NLRP5: variants seen among roughly 807,000 people sequenced by gnomAD.
NLRP5 encodes NACHT, LRR and PYD domains-containing protein 5.
NLRP5 carries 93 observed loss-of-function variants against 113.1 expected under a neutral mutation model. That is an observed-to-expected ratio of 0.82 (90% CI 0.70 to 0.98). NLRP5 has a LOEUF of 0.98. NLRP5 is among the 50% of genes least tolerant of loss of function. The pLI is 0.00. For synonymous variants in NLRP5, 751 were observed against 600.7 expected, an observed-to-expected ratio of 1.25 and a Z score of -3.66; for missense variants, 1,808 against 1,514.3, an observed-to-expected ratio of 1.19 and a Z score of -3.22.
intron 14 of NLRP5, among the ~76,000 whole-genome samples, chr19:56,060,718 G>GT (rs76500463): frequency 0.13 from 20,502 of 151,872 alleles, 1,558 homozygotes; most frequent in East Asian, 0.31. Context: ...ACATATCCAA[G>GT]TTTTTTTACA....
At position 56,026,858 on chromosome 19, in the gene NLRP5, G is replaced by C. The variant is rs937334501; in HGVS notation, c.680-55G>C. ...CCCACAGTGCTGGGATGACAGGTGC[G>C]AGCCACTGTGCCTGGTCTGTTTCCT... On this transcript the variant is annotated intron_variant, in intron 6 of 14. Coordinates refer to ENST00000390649, the MANE Select transcript of NLRP5 (RefSeq NM_153447.4). 6 of 1,503,102 alleles carry C rather than the reference G, an allele frequency of 4.0e-6. No homozygotes were observed. The African/African-American group carries it at 8.3e-5, about 21-fold the overall frequency. 93.1% of individuals were successfully genotyped at this position (1,503,102 alleles called of 1,614,324 possible).
chr19:56,046,823 C>T (rs1348283631), intron 11 of NLRP5, among the ~76,000 whole-genome samples: 3 of 152,206 alleles, frequency 2.0e-5, no homozygotes, highest in African/African-American at 7.2e-5. Flanking sequence ...TGAGCCATCG[C>T]GCCCAGCCAC....
intron 12 of NLRP5, 88 bp from the exon 13 acceptor site, chr19:56,053,545 TAAAGG>T: frequency 8.7e-7 from 1 of 1,149,784 alleles, no homozygotes; most frequent in Non-Finnish European, 1.2e-6. Context: ...CAGGAAGGAA[TAAAGG>T]AAACTCCAGT....
At chr19:56,054,442 C>T (rs1049053960) in intron 13 of NLRP5, among the ~76,000 whole-genome samples, 4 of 151,878 alleles carry the variant, frequency 2.6e-5, no homozygotes, top group African/African-American at 9.7e-5. Flanking sequence ...CTTGTAATCC[C>T]AGCTATTCGG....
At chr19:56,059,881 CA>C (rs544097518) in intron 14 of NLRP5, among the ~76,000 whole-genome samples, 82 of 152,248 alleles carry the variant, frequency 5.4e-4, no homozygotes, top group South Asian at 2.7e-3. Flanking sequence ...CTGTTTTCTC[CA>C]GTATGGTCCA....
rs538912851 is a variant in NLRP5 at position 56,000,813 on chromosome 19, C to T, written c.62+1026C>T. ...ATGAGGTCAAGAGATAGAGACCATC[C>T]TGGCCAACATGGTGAAACCCTGTCT... On this transcript the variant is annotated intron_variant, in intron 1 of 14. Coordinates refer to ENST00000390649, the MANE Select transcript of NLRP5 (RefSeq NM_153447.4). Among the ~76,000 whole-genome samples the T allele has an allele frequency of 7.9e-5, 12 of 151,144 alleles. No homozygotes were observed. The East Asian group carries it at 2.2e-3, about 28-fold the overall frequency.
At chr19:56,008,273 G>T (rs1054305501) in intron 2 of NLRP5, among the ~76,000 whole-genome samples, 1 of 152,050 alleles carries the variant, frequency 6.6e-6, no homozygotes, top group African/African-American at 2.4e-5. Flanking sequence ...AGAACGCAGT[G>T]TCATGGGTGA....
At chr19:56,050,312 A>C in intron 11 of NLRP5, 106 bp from the exon 12 acceptor site, 3 of 1,023,336 alleles carry the variant, frequency 2.9e-6, no homozygotes, top group Non-Finnish European at 2.8e-6. Flanking sequence ...ATATGACCCC[A>C]CCCTACACAG....
intron 8 of NLRP5, among the ~76,000 whole-genome samples, chr19:56,033,245 C>G (rs1157841878): frequency 1.3e-5 from 2 of 151,722 alleles, no homozygotes; most frequent in African/African-American, 2.4e-5. Flanking sequence ...AGTGAGACTC[C>G]ATCTTAAACA....
intron 7 of NLRP5, among the ~76,000 whole-genome samples, chr19:56,028,814 G>T (rs569101823): frequency 2.6e-5 from 4 of 152,306 alleles, no homozygotes; most frequent in Non-Finnish European, 5.9e-5. Flanking sequence ...TGCCAGGCTG[G>T]AGTGTAGTGG....
At chr19:56,028,645 C>T (rs1982975912) in intron 7 of NLRP5, 136 bp downstream of exon 7, 3 of 885,720 alleles carry the variant, frequency 3.4e-6, no homozygotes, top group African/African-American at 1.7e-5. Context: ...TGACGTCCAG[C>T]TGGCTAAAAT....
chr19:56,003,946 A>C lies in NLRP5; in HGVS notation c.293A>C (p.Gln98Pro). 6.2e-7 allele frequency: 1 copy of C among 1,614,024 alleles called. No individual in the cohort carries two copies. The highest frequency in any genetic ancestry group is 2.2e-5 in the East Asian group (1 of 44,886). Residue 98 changes from glutamine to proline, a missense_variant, in exon 2 of 15, where the codon CAG (glutamine) becomes CCG (proline). By Grantham distance (76) the Gln-to-Pro change is moderately conservative. Coordinates refer to ENST00000390649, the MANE Select transcript of NLRP5 (RefSeq NM_153447.4). ...GAATCGACCACATGCTCTATTCCAC[A>C]GTTTGAAATCGAGAATGCCAACGTG...
rs753525365 is a variant in NLRP5, at chr19:56,032,734, C to T, written c.2400C>T (p.Thr800=). The T allele has an allele frequency of 9.3e-6, 15 of 1,612,736 alleles. No homozygotes were observed. The highest frequency in any genetic ancestry group is 1.3e-5 in the Non-Finnish European group (15 of 1,179,690). ...TCCTGACAGAGCGGGCCATGAAGAC[C>T]CTGTGTGCCAAGCTGAGGCATCCCA... Residue 800 remains threonine (T), a synonymous_variant, in exon 8 of 15, where the codon ACC becomes ACT. Coordinates refer to ENST00000390649, the MANE Select transcript of NLRP5 (RefSeq NM_153447.4).
At position 56,005,423 on chromosome 19, in the gene NLRP5, A is replaced by G. The variant is rs115896699; in HGVS notation, c.442+1328A>G. Among the ~76,000 whole-genome samples the G allele has an allele frequency of 4.9e-3, 733 of 149,110 alleles. 6 individuals are homozygous for G. The highest frequency in any genetic ancestry group is 0.017 in the African/African-American group (705 of 40,788). On this transcript the variant is annotated intron_variant, in intron 2 of 14. Transcript: ENST00000390649. ...CACATATACACATATATTTTTATAT[A>G]TACACATATTTATATATACACATAT... is the stretch of plus-strand genomic sequence containing the variant.
At chr19:56,054,591 G>A (rs1250580903) in intron 13 of NLRP5, among the ~76,000 whole-genome samples, 5 of 147,232 alleles carry the variant, frequency 3.4e-5, no homozygotes, top group African/African-American at 1.2e-4. Context: ...AAAACGTGCT[G>A]ATACGTTCCA....
chr19:56,003,885 C>T lies in NLRP5; in HGVS notation c.232C>T (p.Gln78Ter). The T allele has an allele frequency of 2.5e-6, 4 of 1,613,994 alleles. No individual in the cohort carries two copies. Among genetic ancestry groups the T allele is most frequent in the Non-Finnish European group, 3.4e-6 (4 of 1,179,898 alleles). The change falls in exon 2 of 15, where the codon CAG (glutamine) becomes TAG (stop). Residue 78 changes from glutamine (Q) to a stop codon, truncating the protein, a stop_gained. Transcript: ENST00000390649. LOFTEE classifies it high-confidence loss of function. ...CTATGAGCTAGACAAGGAAGAATTT[C>T]AGACATTCAAGGAATTACTAAAGAA...
At chr19:56,009,425 C>T (rs1007022157) in intron 3 of NLRP5, among the ~76,000 whole-genome samples, 2 of 149,928 alleles carry the variant, frequency 1.3e-5, no homozygotes, top group African/African-American at 4.9e-5. Context: ...TTTGGGTAAC[C>T]TTATGACCCC....
intron 2 of NLRP5, among the ~76,000 whole-genome samples, chr19:56,007,894 T>C (rs11084420): frequency 0.15 from 3,836 of 26,056 alleles, 331 homozygotes; most frequent in Non-Finnish European, 0.18. Flanking sequence ...TGTGTGCGCG[T>C]GCGCGCGTGC....
At position 56,040,931 on chromosome 19, in the gene NLRP5, CTG is replaced by C. The variant is rs1848349389; in HGVS notation, c.2799_2800del (p.Cys933TrpfsTer48). ...GGCTCTCTTCTTGCAGACTGGAGGA[CTG>C]TGGCATCACAGCCACGGGTTGCCAG... On this transcript the variant is annotated frameshift_variant, in exon 11 of 15. Transcript: ENST00000390649. LOFTEE classifies it high-confidence loss of function. 2.5e-6 allele frequency: 4 copies of C among 1,613,674 alleles called. No individual in the cohort carries two copies. In the South Asian group the frequency reaches 4.4e-5, roughly 18 times the overall value.
Sources: allele counts gnomAD v4.1 joint callset (sites outside exome capture counted in the v4.1 genomes callset), GRCh38; gene constraint gnomAD v4.1.1; transcripts MANE v1.5; gene names NCBI Gene and HGNC (gene_info 2026-07-23, HGNC 2026-07-21).